CDH1: variants seen among roughly 807,000 people sequenced by gnomAD.
CDH1 encodes the protein cadherin 1, also known as cadherin-1.
Under a neutral mutation model 84.5 loss-of-function variants are expected in CDH1, and 35 were observed. The observed-to-expected ratio is 0.41, with a 90% CI of 0.32 to 0.55. The LOEUF (loss-of-function observed/expected upper bound fraction) is 0.55, where lower values mean the gene tolerates loss of function less well. Ranked by LOEUF, CDH1 falls within the 20% of genes least tolerant of loss-of-function variation. CDH1 has a pLI of 0.19. For synonymous variants in CDH1, 417 were observed against 439.0 expected (o/e 0.95, Z 0.63); for missense variants, 994 against 1,126.6 (o/e 0.88, Z 1.68).
chr16:68,830,184 C>T (rs1399816109), intron 15 of CDH1, among the ~76,000 whole-genome samples: 1 of 151,958 alleles, frequency 6.6e-6, no homozygotes, highest in African/African-American at 2.4e-5. Flanking sequence ...TAACTCCTGA[C>T]TCAGGTGATC....
intron 2 of CDH1, among the ~76,000 whole-genome samples, chr16:68,744,681 A>G (rs780049305): frequency 7.9e-5 from 12 of 152,196 alleles, no homozygotes; most frequent in Non-Finnish European, 1.5e-4. Context: ...ATTTCAATCC[A>G]GACAATGTCA....
At chr16:68,819,717 C>T (rs951457613) in intron 11 of CDH1, among the ~76,000 whole-genome samples, 42 of 152,134 alleles carry the variant, frequency 2.8e-4, no homozygotes, top group Non-Finnish European at 4.1e-4. Context: ...TCCCAGCTGC[C>T]ATTGTCTATC....
chr16:68,755,282 C>CAA (rs1188775959), intron 2 of CDH1, among the ~76,000 whole-genome samples: 11 of 96,014 alleles, frequency 1.1e-4, no homozygotes, highest in East Asian at 3.3e-4. Flanking sequence ...GACTCTGTCT[C>CAA]AAAAAAAAAA....
chr16:68,819,458 C>G (rs2152137079), intron 11 of CDH1, 33 bp downstream of exon 11: 5 of 1,609,318 alleles, frequency 3.1e-6, no homozygotes, highest in South Asian at 1.1e-5. Context: ...TTTGCTGCCT[C>G]GACCTCCTAG....
intron 2 of CDH1, among the ~76,000 whole-genome samples, chr16:68,756,416 C>A (rs1963021109): frequency 6.6e-6 from 1 of 152,094 alleles, no homozygotes; most frequent in Non-Finnish European, 1.5e-5. Flanking sequence ...AGAGGCCTCT[C>A]CTGGTAAGGT....
At chr16:68,782,356 C>T (rs1040635277) in intron 2 of CDH1, among the ~76,000 whole-genome samples, 4 of 152,214 alleles carry the variant, frequency 2.6e-5, no homozygotes, top group African/African-American at 9.6e-5. Flanking sequence ...GCAGAAGTTT[C>T]GAGTTCTGCA....
At chr16:68,779,958 A>C (rs1431962623) in intron 2 of CDH1, among the ~76,000 whole-genome samples, 5 of 152,130 alleles carry the variant, frequency 3.3e-5, no homozygotes, top group Non-Finnish European at 7.4e-5. Flanking sequence ...AGATAACTCC[A>C]AGACACTCCT....
intron 15 of CDH1, among the ~76,000 whole-genome samples, chr16:68,830,906 G>A (rs1961465240): frequency 6.6e-6 from 1 of 152,014 alleles, no homozygotes; most frequent in Admixed American, 6.6e-5. Flanking sequence ...CTTAGGATAA[G>A]ATGAGAAAGA....
Position 68,740,580 on chromosome 16 carries a change from G to GT in CDH1, c.163+2170dup, listed in dbSNP as rs912950138. Among the ~76,000 whole-genome samples, 32 of 152,272 alleles carry GT rather than the reference G, an allele frequency of 2.1e-4. 1 individual carries two copies. Among genetic ancestry groups the GT allele is most frequent in the African/African-American group, 7.5e-4 (31 of 41,550 alleles). ...CTGAGCATGCGTCTGGGGTGTCCCA[G>GT]TGCTAAGGCTGGTGACTTTGTTTTC... On this transcript the variant is annotated intron_variant, in intron 2 of 15. Coordinates refer to ENST00000261769, the MANE Select transcript of CDH1 (RefSeq NM_004360.5).
At chr16:68,805,783 C>T (rs895275097) in intron 3 of CDH1, among the ~76,000 whole-genome samples, 4 of 151,654 alleles carry the variant, frequency 2.6e-5, no homozygotes, top group African/African-American at 7.3e-5. Flanking sequence ...TTAGTAGAAA[C>T]AGGATTTCAC....
intron 1 of CDH1, among the ~76,000 whole-genome samples, 159 bp from the exon 2 acceptor site, chr16:68,738,138 G>A (rs1341583504): frequency 3.9e-5 from 6 of 152,154 alleles, no homozygotes; most frequent in African/African-American, 1.2e-4. Flanking sequence ...TTCGGGGTGG[G>A]GGAGGGTGAC....
chr16:68,829,757 G>T lies in CDH1; in HGVS notation c.2399G>T (p.Arg800Leu), dbSNP rs370345996. Residue 800 changes from arginine (R) to leucine (L), a missense_variant, in exon 15 of 16, where the codon CGC becomes CTC. Physicochemically the swap from Arg to Leu is moderately radical, Grantham distance 102. Around this residue, in one of 3 missense-constraint regions of CDH1, gnomAD observed 769 missense variants for 881.8 expected, o/e 0.87. Transcript: ENST00000261769. The stretch of plus-strand genomic sequence containing the variant: ...ATGAGTGTCCCCCGGTATCTTCCCC[G>T]CCCTGCCAATCCCGATGAAATTGGA... ...TLMSVPRYLP[R>L]PANPDEIGNF... The T allele has an allele frequency of 6.2e-7, 1 of 1,613,728 alleles. No individual in the cohort carries two copies. Among genetic ancestry groups the T allele is most frequent in the South Asian group, 1.1e-5 (1 of 91,052 alleles).
Position 68,823,519 on chromosome 16 carries a change from G to A in CDH1, c.2057G>A (p.Cys686Tyr), listed in dbSNP as rs1401120990. The A allele has an allele frequency of 1.2e-6, 2 of 1,613,986 alleles. No homozygotes were observed. Reference sequence around the variant, plus strand: ...GTGACCACCTTAGAGGTCAGCGTGTGTGACTGTGAAGGGGCCGCTGGCGTC... The same window carrying A: ...GTGACCACCTTAGAGGTCAGCGTGTATGACTGTGAAGGGGCCGCTGGCGTC... Reference protein sequence around the residue: ...DQVTTLEVSVCDCEGAAGVCR... With the variant: ...DQVTTLEVSVYDCEGAAGVCR... The change falls in exon 13 of 16, where the codon TGT becomes TAT. Residue 686 changes from cysteine to tyrosine, a missense_variant. By Grantham distance (194) the Cys-to-Tyr change is radical. Coordinates refer to ENST00000261769, the MANE Select transcript of CDH1 (RefSeq NM_004360.5).
chr16:68,828,455 C>CCAT lies in CDH1; in HGVS notation c.2295+163_2295+165dup, dbSNP rs1041135605. The CCAT allele has an allele frequency of 6.9e-5, 51 of 735,516 alleles. No individual in the cohort carries two copies. The African/African-American group carries it at 7.1e-4, about 10-fold the overall frequency. 45.6% of individuals were successfully genotyped at this position (735,516 alleles called of 1,614,324 possible). The stretch of plus-strand genomic sequence containing the variant: ...CCAAGAAAGTAGACATTGTCATTGA[C>CCAT]CATCATCATCATCACATCATCACCA... On this transcript the variant is annotated intron_variant, in intron 14 of 15. Transcript: ENST00000261769.
chr16:68,788,127 T>C (rs1343564249), intron 2 of CDH1, among the ~76,000 whole-genome samples: 1 of 152,124 alleles, frequency 6.6e-6, no homozygotes, highest in Admixed American at 6.6e-5. Context: ...GCACCCAGCC[T>C]ACTGTTAATT....
intron 12 of CDH1, chr16:68,823,074 A>C: frequency 3.2e-6 from 1 of 312,652 alleles, no homozygotes. Context: ...GGGCTGGGCA[A>C]AAAGGTTCAC....
chr16:68,827,941 A>G (rs961595375), intron 13 of CDH1, among the ~76,000 whole-genome samples: 2 of 152,096 alleles, frequency 1.3e-5, no homozygotes, highest in African/African-American at 4.8e-5. Flanking sequence ...ACCCATCTGA[A>G]AGTTAAGGAC....
At chr16:68,797,599 G>A (rs189678858) in intron 2 of CDH1, among the ~76,000 whole-genome samples, 9 of 152,310 alleles carry the variant, frequency 5.9e-5, no homozygotes, top group East Asian at 1.9e-4. Flanking sequence ...AGGATTGCTT[G>A]AGCCCCGAAA....
intron 3 of CDH1, among the ~76,000 whole-genome samples, chr16:68,805,014 T>C (rs1380240392): frequency 1.4e-5 from 2 of 146,466 alleles, no homozygotes; most frequent in African/African-American, 5.0e-5. Context: ...TTTTTTTTTT[T>C]TTTTTGTAGA....
Sources: gnomAD v4.1 joint callset for allele counts (sites outside exome capture counted in the v4.1 genomes callset) on GRCh38, gnomAD v4.1.1 for gene constraint, gnomAD v4.1.1 regional missense constraint, MANE v1.5 for transcripts, NCBI Gene and HGNC (gene_info 2026-07-23, HGNC 2026-07-21) for gene names.